COL5A2: variants seen among roughly 807,000 people sequenced by gnomAD.
COL5A2 encodes collagen type V alpha 2 chain.
In COL5A2, 23 loss-of-function variants were observed where a neutral mutation model predicts 208.2. The observed-to-expected ratio is 0.11, with a 90% confidence interval of 0.08 to 0.16. The LOEUF is 0.16. Among genes scored for constraint, COL5A2 ranks in the 10% least tolerant of loss-of-function variants. The probability of loss-of-function intolerance (pLI) is 1.00; values close to 1 mark genes in which losing one functional copy is unlikely to be tolerated. For missense variants in COL5A2, 1,590 were observed against 1,956.4 expected, an observed-to-expected ratio of 0.81 and a Z score of 3.53; for synonymous variants, 625 against 628.5, an observed-to-expected ratio of 0.99 and a Z score of 0.08.
At chr2:189,062,479 C>T (rs1008122179) in intron 29 of COL5A2, among the ~76,000 whole-genome samples, 3 of 151,882 alleles carry the variant, frequency 2.0e-5, no homozygotes, top group African/African-American at 7.3e-5. Flanking sequence ...CCACCATGCC[C>T]GGCCTTACAT....
the COL5A2 span, among the ~76,000 whole-genome samples, chr2:189,344,555 G>A: frequency 6.6e-6 from 1 of 152,150 alleles, no homozygotes; most frequent in Admixed American, 6.6e-5. Flanking sequence ...TCCACCTGCT[G>A]CAGCAACAAG....
chr2:189,063,601 G>A (rs1445816884), intron 26 of COL5A2, among the ~76,000 whole-genome samples: 1 of 152,080 alleles, frequency 6.6e-6, no homozygotes, highest in Admixed American at 6.5e-5. Context: ...TGCAGAACAA[G>A]GGAAGATCTT....
chr2:189,134,987 C>A (rs1374862238), intron 1 of COL5A2, among the ~76,000 whole-genome samples: 2 of 151,992 alleles, frequency 1.3e-5, no homozygotes, highest in Non-Finnish European at 2.9e-5. Flanking sequence ...GAAAAGTTAT[C>A]TTGCCTTTAA....
At chr2:189,140,223 T>A (rs1041303063) in intron 1 of COL5A2, among the ~76,000 whole-genome samples, 2 of 152,116 alleles carry the variant, frequency 1.3e-5, no homozygotes. Context: ...ATAATCACAC[T>A]TTAACATATG....
At chr2:189,095,771 T>C (rs1163808183) in intron 6 of COL5A2, 1 of 152,048 alleles carries the variant, frequency 6.6e-6, no homozygotes, top group African/African-American at 2.4e-5. Flanking sequence ...TTTTTTTTTT[T>C]TCTGTCACGA....
At chr2:189,238,219 T>G in the COL5A2 span, among the ~76,000 whole-genome samples, 2 of 152,228 alleles carry the variant, frequency 1.3e-5, no homozygotes, top group African/African-American at 2.4e-5. Flanking sequence ...TTTATTTCTC[T>G]CTTGATGTTT....
At chr2:189,255,952 T>C in the COL5A2 span, among the ~76,000 whole-genome samples, 2 of 152,148 alleles carry the variant, frequency 1.3e-5, no homozygotes, top group Non-Finnish European at 1.5e-5. Context: ...AGCTTAAAAG[T>C]ACAAAGTGGG....
At chr2:189,165,874 T>C (rs1359450398) in intron 1 of COL5A2, among the ~76,000 whole-genome samples, 5 of 152,242 alleles carry the variant, frequency 3.3e-5, no homozygotes, top group South Asian at 2.1e-4. Flanking sequence ...GTCCTACTCC[T>C]ACTGCCTGTA....
At chr2:189,283,809 T>C in the COL5A2 span, among the ~76,000 whole-genome samples, 2 of 152,256 alleles carry the variant, frequency 1.3e-5, no homozygotes, top group East Asian at 1.9e-4. Flanking sequence ...ATAAATTAAA[T>C]TGAATAATTC....
the COL5A2 span, among the ~76,000 whole-genome samples, chr2:189,236,128 G>C: frequency 6.6e-6 from 1 of 151,700 alleles, no homozygotes; most frequent in Non-Finnish European, 1.5e-5. Flanking sequence ...ATTGGGAGAA[G>C]ACTCTGGGAA....
intron 5 of COL5A2, among the ~76,000 whole-genome samples, chr2:189,098,232 T>G (rs1559103338): frequency 2.0e-5 from 3 of 152,238 alleles, no homozygotes; most frequent in South Asian, 4.1e-4. Flanking sequence ...GTGTTTAACA[T>G]TTACATGAAG....
the COL5A2 span, among the ~76,000 whole-genome samples, chr2:189,302,786 G>A: frequency 6.6e-6 from 1 of 152,052 alleles, no homozygotes; most frequent in African/African-American, 2.4e-5. Flanking sequence ...TACACTCCTG[G>A]TCTGTCAGTC....
chr2:189,293,594 C>A, the COL5A2 span, among the ~76,000 whole-genome samples: 1 of 152,068 alleles, frequency 6.6e-6, no homozygotes, highest in Non-Finnish European at 1.5e-5. Context: ...GAAGGCGAAG[C>A]CCTCATGATA....
chr2:189,240,014 T>C, the COL5A2 span, among the ~76,000 whole-genome samples: 3 of 152,128 alleles, frequency 2.0e-5, no homozygotes, highest in Admixed American at 1.3e-4. Flanking sequence ...TCATTTGTTA[T>C]AGCAGTGTTA....
intron 1 of COL5A2, among the ~76,000 whole-genome samples, chr2:189,195,238 C>G (rs1688985160): frequency 6.6e-6 from 1 of 152,076 alleles, no homozygotes; most frequent in Non-Finnish European, 1.5e-5. Flanking sequence ...AATAAAATAC[C>G]TAGGAATACA....
the COL5A2 span, among the ~76,000 whole-genome samples, chr2:189,385,653 AC>A: frequency 2.2e-3 from 340 of 152,224 alleles, no homozygotes; most frequent in Non-Finnish European, 2.7e-3. Flanking sequence ...CGAAAAAAAA[AC>A]CAGCCTGAAT....
At chr2:189,243,030 A>G in the COL5A2 span, among the ~76,000 whole-genome samples, 1 of 152,218 alleles carries the variant, frequency 6.6e-6, no homozygotes, top group African/African-American at 2.4e-5. Context: ...TAGATAATAA[A>G]AAAACAGTGA....
At chr2:189,322,355 C>T in the COL5A2 span, among the ~76,000 whole-genome samples, 3 of 152,064 alleles carry the variant, frequency 2.0e-5, no homozygotes, top group South Asian at 2.1e-4. Context: ...CATAGAGACA[C>T]AAAAAACCCT....
chr2:189,434,151 A>C, the COL5A2 span, among the ~76,000 whole-genome samples: 1 of 152,198 alleles, frequency 6.6e-6, no homozygotes, highest in Non-Finnish European at 1.5e-5. Context: ...AAAAACTCTC[A>C]ATAAATTAGG....
Sources: allele counts gnomAD v4.1 joint callset (sites outside exome capture counted in the v4.1 genomes callset), GRCh38; gene constraint gnomAD v4.1.1; transcripts MANE v1.5; gene names NCBI Gene and HGNC (gene_info 2026-07-23, HGNC 2026-07-21).